Variants in DESI2 observed in about 807,000 individuals in gnomAD.
The protein encoded by DESI2 is desumoylating isopeptidase 2.
Under a neutral mutation model 24.1 loss-of-function variants are expected in DESI2, and 10 were observed. The observed-to-expected ratio is 0.41, with a 90% confidence interval of 0.26 to 0.70. The LOEUF is 0.70. Among genes scored for constraint, DESI2 ranks in the 30% least tolerant of loss-of-function variants. The pLI is 0.29. For synonymous variants in DESI2, 71 were observed against 87.7 expected (o/e 0.81, Z 1.06); for missense variants, 122 against 234.9 (o/e 0.52, Z 3.14).
In DESI2 at chr1:244,673,082, C is replaced by T. The variant is rs187143958; in HGVS notation, c.43-13515C>T. On this transcript the variant is annotated intron_variant, in intron 1 of 4. Coordinates refer to ENST00000302550, the MANE Select transcript of DESI2 (RefSeq NM_016076.5). ...TTAAAATAGACATCATCCATATTGT[C>T]TGCATAGCTTTGGCAGGACTTTGAG... Among the ~76,000 whole-genome samples, 356 of 152,274 alleles carry T rather than the reference C, an allele frequency of 2.3e-3. 3 individuals carry two copies. Among genetic ancestry groups the T allele is most frequent in the Middle Eastern group, 3.4e-3 (1 of 292 alleles).
intron 1 of DESI2, 26 bp downstream of exon 1, chr1:244,653,381 A>C: frequency 6.5e-7 from 1 of 1,541,206 alleles, no homozygotes; most frequent in Non-Finnish European, 8.7e-7. Context: ...GGCGGCCCCG[A>C]GCCCTGGCCC....
At chr1:244,696,674 TA>T (rs1169246885) in intron 4 of DESI2, among the ~76,000 whole-genome samples, 1 of 152,166 alleles carries the variant, frequency 6.6e-6, no homozygotes, top group African/African-American at 2.4e-5. Flanking sequence ...ACAGAAGAGT[TA>T]ACTACCATCA....
At chr1:244,687,396 T>A (rs893333854) in intron 2 of DESI2, among the ~76,000 whole-genome samples, 2 of 152,222 alleles carry the variant, frequency 1.3e-5, no homozygotes, top group South Asian at 4.1e-4. Flanking sequence ...AGTAATGGTC[T>A]GCGTAAGACA....
At chr1:244,655,863 C>T (rs1003184693) in intron 1 of DESI2, among the ~76,000 whole-genome samples, 2 of 152,174 alleles carry the variant, frequency 1.3e-5, no homozygotes, top group Non-Finnish European at 2.9e-5. Context: ...TTGATTAGAA[C>T]TTCTTTAGTC....
intron 1 of DESI2, among the ~76,000 whole-genome samples, chr1:244,660,665 T>C (rs552221455): frequency 8.5e-5 from 13 of 152,212 alleles, no homozygotes; most frequent in East Asian, 7.7e-4. Flanking sequence ...ATGGGATGCA[T>C]GAAAATAATT....
At chr1:244,665,199 A>C (rs1676001122) in intron 1 of DESI2, among the ~76,000 whole-genome samples, 1 of 151,824 alleles carries the variant, frequency 6.6e-6, no homozygotes, top group Non-Finnish European at 1.5e-5. Context: ...GTATGCCACT[A>C]TACTAAGCCA....
chr1:244,688,022 A>G (rs914645496), intron 2 of DESI2, among the ~76,000 whole-genome samples: 1 of 152,172 alleles, frequency 6.6e-6, no homozygotes, highest in Non-Finnish European at 1.5e-5. Flanking sequence ...CTAATAATTA[A>G]CTCAAACTTG....
At chr1:244,658,658 G>A (rs898841954) in intron 1 of DESI2, among the ~76,000 whole-genome samples, 17 of 52,944 alleles carry the variant, frequency 3.2e-4, no homozygotes, top group East Asian at 1.8e-3. Context: ...TATTAGGAGA[G>A]TTGCCAGTAA....
chr1:244,654,142 A>G, intron 1 of DESI2: 1 of 402,138 alleles, frequency 2.5e-6, no homozygotes, highest in South Asian at 1.8e-5. Flanking sequence ...GGTTTGCCTG[A>G]TTTTTGCAGT....
intron 4 of DESI2, chr1:244,694,747 GATTC>G: frequency 1.6e-6 from 1 of 616,538 alleles, no homozygotes; most frequent in South Asian, 1.9e-5. Context: ...AGACCAGAGA[GATTC>G]ATTAAGTTTT....
chr1:244,705,519 C>T lies in DESI2; in HGVS notation c.352-37C>T, dbSNP rs758759055. ...TGGCAGTGGACCAGGTAATCTTAAC[C>T]TCTCTTACCTAATACAGAACTCTTT... On this transcript the variant is annotated intron_variant, in intron 4 of 4. Coordinates refer to ENST00000302550, the MANE Select transcript of DESI2 (RefSeq NM_016076.5). 7 of 1,571,580 alleles carry T rather than the reference C, an allele frequency of 4.5e-6. No individual in the cohort carries two copies. The South Asian group carries it at 6.7e-5, about 15-fold the overall frequency.
chr1:244,687,513 GAATAT>G (rs1334065965), intron 2 of DESI2, among the ~76,000 whole-genome samples: 1 of 152,152 alleles, frequency 6.6e-6, no homozygotes, highest in East Asian at 1.9e-4. Flanking sequence ...GACCTCTTAA[GAATAT>G]ATTATTGCAG....
chr1:244,682,786 A>C (rs887376969), intron 1 of DESI2, among the ~76,000 whole-genome samples: 1 of 151,496 alleles, frequency 6.6e-6, no homozygotes, highest in Non-Finnish European at 1.5e-5. Context: ...GGTCTGCAGG[A>C]GTTGTTTGCT....
At chr1:244,672,944 T>C (rs1422303152) in intron 1 of DESI2, among the ~76,000 whole-genome samples, 1 of 152,122 alleles carries the variant, frequency 6.6e-6, no homozygotes, top group Non-Finnish European at 1.5e-5. Flanking sequence ...AAATCATTAT[T>C]GTAGGGGAGT....
Position 244,697,476 on chromosome 1 carries a change from CAAA to C in DESI2, c.351+5471_351+5473del, listed in dbSNP as rs60674613. On this transcript the variant is annotated intron_variant, in intron 4 of 4. Coordinates refer to ENST00000302550, the MANE Select transcript of DESI2 (RefSeq NM_016076.5). ...TGGGTGACAGAGGGAGCCTCTGTCT[CAAA>C]AAAAAAAAAAAAAAGGACTGAGAAA... 1.9e-3 allele frequency among the ~76,000 whole-genome samples: 229 copies of C among 119,080 alleles called. 2 individuals carry two copies. The highest frequency in any genetic ancestry group is 2.8e-3 in the Non-Finnish European group (158 of 57,004). The allele number at this position is 119,080 out of a possible 152,430, so 78.1% of individuals were successfully genotyped here. A position where few individuals can be genotyped will look rare whatever the true frequency, so the allele number is the denominator to read the frequency against.
At chr1:244,676,138 G>A (rs1380372287) in intron 1 of DESI2, among the ~76,000 whole-genome samples, 4 of 151,278 alleles carry the variant, frequency 2.6e-5, no homozygotes, top group Non-Finnish European at 4.4e-5. Flanking sequence ...GTGCAGTGGC[G>A]CGATCTCAGC....
chr1:244,694,878 T>C (rs983905056), intron 4 of DESI2, among the ~76,000 whole-genome samples: 27 of 152,230 alleles, frequency 1.8e-4, no homozygotes, highest in African/African-American at 6.5e-4. Flanking sequence ...AAAATATTTA[T>C]TGTTTGACCT....
At position 244,706,096 on chromosome 1, in the gene DESI2, G is replaced by A. The variant is rs1677692038; in HGVS notation, c.*307G>A. On this transcript the variant is annotated 3_prime_UTR_variant, in exon 5 of 5. Transcript: ENST00000302550. ...TCTTGTATCGCTGTTTACAAATCTT[G>A]CATGGACTCCTGCCACAGTGAAAGA... is the stretch of plus-strand genomic sequence containing the variant. 1 of 266,976 alleles carries A rather than the reference G, an allele frequency of 3.7e-6. No individual in the cohort carries two copies. Among genetic ancestry groups the A allele is most frequent in the Admixed American group, 4.9e-5 (1 of 20,230 alleles). The allele number at this position is 266,976 out of a possible 1,614,324, so 16.5% of individuals were successfully genotyped here. A position where few individuals can be genotyped will look rare whatever the true frequency, so the allele number is the denominator to read the frequency against.
chr1:244,678,374 A>G (rs1298979084), intron 1 of DESI2, among the ~76,000 whole-genome samples: 1 of 152,238 alleles, frequency 6.6e-6, no homozygotes, highest in African/African-American at 2.4e-5. Flanking sequence ...CAGGCAACAT[A>G]TAGGAGTTCT....
Sources: gnomAD v4.1 joint callset for allele counts (sites outside exome capture counted in the v4.1 genomes callset) on GRCh38, gnomAD v4.1.1 for gene constraint, MANE v1.5 for transcripts, NCBI Gene and HGNC (gene_info 2026-07-23, HGNC 2026-07-21) for gene names.